The following MLIP variants were observed in gnomAD, a reference collection of about 807,000 sequenced individuals.
The protein encoded by MLIP is muscular LMNA-interacting protein.
Under a neutral mutation model 84.8 loss-of-function variants are expected in MLIP, and 79 were observed. The ratio of observed to expected loss-of-function variants is 0.93; its 90% CI spans 0.78 to 1.12. MLIP has a LOEUF of 1.12. MLIP is among the 50% of genes most tolerant of loss of function. MLIP has a pLI of 0.00. For missense variants in MLIP, 1,257 were observed against 1,160.6 expected (o/e 1.08, Z -1.21); for synonymous variants, 504 against 463.0 (o/e 1.09, Z -1.14).
intron 9 of MLIP, among the ~76,000 whole-genome samples, chr6:54,179,356 C>T (rs1413697843): frequency 1.3e-5 from 2 of 152,084 alleles, no homozygotes; most frequent in African/African-American, 4.8e-5. Flanking sequence ...CATTCAGCCA[C>T]TCTATGACTT....
chr6:54,175,089 T>C (rs1776149300), intron 9 of MLIP, among the ~76,000 whole-genome samples: 2 of 152,094 alleles, frequency 1.3e-5, no homozygotes, highest in South Asian at 4.1e-4. Context: ...GGTTCTGTAT[T>C]CTGTTCCATT....
In MLIP at chr6:54,027,394, C is replaced by G. The variant is rs1353279170; in HGVS notation, c.63+8303C>G. Among the ~76,000 whole-genome samples the G allele has an allele frequency of 2.0e-5, 3 of 149,664 alleles. 1 individual carries two copies. The highest frequency in any genetic ancestry group is 4.5e-5 in the Non-Finnish European group (3 of 67,036). ...AAAAATACACACACACACACACACA[C>G]ACACACACACACACACACACACACA... On this transcript the variant is annotated intron_variant, in intron 1 of 12. Transcript: ENST00000274897.
At chr6:54,228,939 G>C (rs1257387175) in intron 11 of MLIP, among the ~76,000 whole-genome samples, 2 of 152,178 alleles carry the variant, frequency 1.3e-5, no homozygotes, top group Admixed American at 6.5e-5. Flanking sequence ...TGAAATGTTT[G>C]ATTTAGAAAT....
chr6:54,095,836 C>CA lies in MLIP; in HGVS notation c.64-25610dup, dbSNP rs1706043785. ...ATTTGTTTGTTCATGAATTTGCTTT[C>CA]ATGGTCTCAAGATGAATTGCAAGTT... On this transcript the variant is annotated intron_variant, in intron 1 of 12. Coordinates refer to the MLIP transcript ENST00000274897. 2.0e-5 allele frequency among the ~76,000 whole-genome samples: 3 copies of CA among 152,222 alleles called. No individual in the cohort carries two copies. The South Asian group carries it at 6.2e-4, about 32-fold the overall frequency.
intron 11 of MLIP, among the ~76,000 whole-genome samples, chr6:54,210,871 A>G (rs1202250438): frequency 6.6e-6 from 1 of 152,100 alleles, no homozygotes; most frequent in African/African-American, 2.4e-5. Context: ...CTTTCTCTTG[A>G]AAATAAAAAA....
chr6:54,184,964 T>C (rs1034961516), intron 9 of MLIP, among the ~76,000 whole-genome samples: 7 of 152,224 alleles, frequency 4.6e-5, no homozygotes, highest in Admixed American at 2.0e-4. Flanking sequence ...ATTTTAATGT[T>C]GTTCAAATCC....
At chr6:54,228,078 G>A (rs1780707952) in intron 11 of MLIP, among the ~76,000 whole-genome samples, 2 of 135,538 alleles carry the variant, frequency 1.5e-5, no homozygotes, top group Non-Finnish European at 3.3e-5. Flanking sequence ...AGGTACTCGG[G>A]AGGCTGAGGC....
intron 1 of MLIP, among the ~76,000 whole-genome samples, chr6:54,106,122 G>A (rs190680762): frequency 8.9e-4 from 136 of 152,262 alleles, no homozygotes; most frequent in African/African-American, 3.2e-3. Context: ...AGGAGGCAGA[G>A]GGAGAGACTG....
rs115586798 is a variant in MLIP at position 54,064,793 on chromosome 6, A to C, written c.63+45702A>C. On this transcript the variant is annotated intron_variant, in intron 1 of 12. Coordinates refer to the MLIP transcript ENST00000274897. The stretch of plus-strand genomic sequence containing the variant: ...ATCAGGGGGTCTCCCTATATATAAT[A>C]TATGTATTCACAATATATATGAATA... Among the ~76,000 whole-genome samples the C allele has an allele frequency of 1.2e-3, 121 of 99,156 alleles. 16 individuals carry two copies. In the Middle Eastern group the frequency reaches 0.019, roughly 16 times the overall value. The allele number at this position is 99,156 out of a possible 152,430, so 65.1% of individuals were successfully genotyped here.
chr6:54,048,160 T>C (rs1041774205), intron 1 of MLIP, among the ~76,000 whole-genome samples: 8 of 152,136 alleles, frequency 5.3e-5, no homozygotes, highest in African/African-American at 1.9e-4. Context: ...AATGGGATGG[T>C]GATGTCTGTC....
intron 1 of MLIP, among the ~76,000 whole-genome samples, chr6:54,054,361 G>T (rs1034322403): frequency 2.0e-5 from 3 of 149,836 alleles, no homozygotes; most frequent in African/African-American, 7.4e-5. Flanking sequence ...AAACAGGGTG[G>T]ATTGTGTCAG....
At chr6:54,049,086 G>T (rs1277335678) in intron 1 of MLIP, among the ~76,000 whole-genome samples, 1 of 152,148 alleles carries the variant, frequency 6.6e-6, no homozygotes, top group East Asian at 1.9e-4. Context: ...AGACATTAAT[G>T]TCTTAAATGT....
intron 13 of MLIP, among the ~76,000 whole-genome samples, chr6:54,263,763 A>T (rs1783532011): frequency 6.6e-6 from 1 of 152,076 alleles, no homozygotes; most frequent in Non-Finnish European, 1.5e-5. Context: ...TTCCAGAATT[A>T]TGACTTCCAA....
rs1774797297 is a variant in MLIP at position 54,162,884 on chromosome 6, T to C, written c.2499+2085T>C. Among the ~76,000 whole-genome samples the C allele has an allele frequency of 4.6e-5, 7 of 152,032 alleles. 1 individual carries two copies. In the South Asian group the frequency reaches 1.4e-3, roughly 31 times the overall value. The stretch of plus-strand genomic sequence containing the variant: ...TCCAAGGAACATAACATCACAGGTC[T>C]GACAAAGGAGGTGGAGATGAGCAAA... On this transcript the variant is annotated intron_variant, in intron 8 of 13. Transcript: ENST00000502396.
intron 11 of MLIP, among the ~76,000 whole-genome samples, chr6:54,224,844 C>A (rs1228677730): frequency 2.0e-5 from 3 of 152,104 alleles, no homozygotes; most frequent in African/African-American, 7.2e-5. Context: ...GTTTGATTTT[C>A]CATCACTGAG....
At chr6:54,231,008 G>A in intron 12 of MLIP, 91 bp downstream of exon 12, 1 of 1,008,230 alleles carries the variant, frequency 9.9e-7, no homozygotes, top group Non-Finnish European at 1.5e-6. Flanking sequence ...GGAAACATGT[G>A]TTAGGAATAT....
intron 12 of MLIP, among the ~76,000 whole-genome samples, chr6:54,248,036 G>A (rs984185137): frequency 5.9e-5 from 9 of 152,102 alleles, no homozygotes; most frequent in African/African-American, 2.2e-4. Context: ...GAAGACCTTG[G>A]ATGGGATTAA....
At chr6:54,212,843 G>T (rs866665267) in intron 11 of MLIP, among the ~76,000 whole-genome samples, 21 of 152,286 alleles carry the variant, frequency 1.4e-4, no homozygotes, top group Admixed American at 8.5e-4. Flanking sequence ...ATATTTAGTG[G>T]TTTTTTAAAG....
At chr6:54,088,345 A>G (rs1043569641) in intron 1 of MLIP, among the ~76,000 whole-genome samples, 1 of 152,174 alleles carries the variant, frequency 6.6e-6, no homozygotes, top group African/African-American at 2.4e-5. Context: ...GAAATTATTG[A>G]CTTATTTTAC....
Sources: allele counts gnomAD v4.1 joint callset (sites outside exome capture counted in the v4.1 genomes callset), GRCh38; gene constraint gnomAD v4.1.1; transcripts MANE v1.5; gene names NCBI Gene and HGNC (gene_info 2026-07-23, HGNC 2026-07-21).